CDH4: variants seen among roughly 807,000 people sequenced by gnomAD.
CDH4 encodes cadherin-4.
In CDH4, 33 loss-of-function variants were observed where a neutral mutation model predicts 86.0. The observed-to-expected ratio is 0.38, with a 90% CI of 0.29 to 0.51. The LOEUF is 0.51. CDH4 is among the 20% of genes least tolerant of loss of function. The pLI is 0.86. For synonymous variants in CDH4, 555 were observed against 549.4 expected (o/e 1.01, Z -0.14); for missense variants, 1,114 against 1,307.4 (o/e 0.85, Z 2.28).
intron 2 of CDH4, among the ~76,000 whole-genome samples, chr20:61,682,365 G>A (rs2087525593): frequency 6.8e-6 from 1 of 147,206 alleles, no homozygotes; most frequent in East Asian, 2.1e-4. Context: ...TGGATGGATG[G>A]ATGGATGGTG....
chr20:61,452,731 T>A (rs1055958662), intron 2 of CDH4, among the ~76,000 whole-genome samples: 1 of 152,022 alleles, frequency 6.6e-6, no homozygotes, highest in Non-Finnish European at 1.5e-5. Flanking sequence ...TGTGATGCAT[T>A]TTTTTTTATG....
chr20:61,670,805 G>A (rs995556140), intron 2 of CDH4, among the ~76,000 whole-genome samples: 4 of 152,148 alleles, frequency 2.6e-5, no homozygotes, highest in Non-Finnish European at 5.9e-5. Flanking sequence ...CTGTTCTCCT[G>A]TTGATACGGG....
intron 3 of CDH4, among the ~76,000 whole-genome samples, chr20:61,751,784 C>G (rs979144749): frequency 3.9e-5 from 6 of 152,214 alleles, no homozygotes; most frequent in African/African-American, 1.2e-4. Flanking sequence ...TTGCCCATTT[C>G]TACAGAAACA....
At chr20:61,797,094 C>CA (rs1361464514) in intron 4 of CDH4, among the ~76,000 whole-genome samples, 3 of 148,202 alleles carry the variant, frequency 2.0e-5, no homozygotes, top group African/African-American at 7.4e-5. Flanking sequence ...CCCCCCCCCC[C>CA]CCAACACTGG....
intron 2 of CDH4, among the ~76,000 whole-genome samples, chr20:61,479,350 C>A (rs989203477): frequency 1.4e-4 from 21 of 152,154 alleles, no homozygotes; most frequent in South Asian, 6.2e-4. Context: ...ATCCCTCCCC[C>A]CTTCCCCCAC....
intron 4 of CDH4, among the ~76,000 whole-genome samples, chr20:61,808,466 G>A (rs1055985631): frequency 6.6e-6 from 1 of 152,146 alleles, no homozygotes; most frequent in South Asian, 2.1e-4. Flanking sequence ...TTCATTTTGA[G>A]TCTGTGGGCA....
chr20:61,719,970 C>T (rs1350914699), intron 2 of CDH4, among the ~76,000 whole-genome samples: 3 of 152,176 alleles, frequency 2.0e-5, no homozygotes, highest in African/African-American at 7.2e-5. Flanking sequence ...GTTTAAGCAC[C>T]GCAGTTACCA....
At position 61,709,788 on chromosome 20, in the gene CDH4, G is replaced by A. The variant is rs1056853366; in HGVS notation, c.170-33775G>A. ...TAGCAGGATGGAGCGGGAGGTAGAGGTTCTTTCTTCTTGTTTTCCCACAGA... is the reference window on the plus strand; with the variant it reads ...TAGCAGGATGGAGCGGGAGGTAGAGATTCTTTCTTCTTGTTTTCCCACAGA... On this transcript the variant is annotated intron_variant, in intron 2 of 15. Coordinates refer to ENST00000614565, the MANE Select transcript of CDH4 (RefSeq NM_001794.5). This position sits in a 1 kb window ranked among gnomAD's most constrained non-coding sequence, Gnocchi z 4.8. Among the ~76,000 whole-genome samples the A allele has an allele frequency of 7.2e-5, 11 of 152,090 alleles. No homozygotes were observed. The highest frequency in any genetic ancestry group is 1.6e-4 in the Non-Finnish European group (11 of 68,026).
Position 61,269,779 on chromosome 20 carries a change from A to C in CDH4, c.169+14842A>C, listed in dbSNP as rs1383094865. Among the ~76,000 whole-genome samples, 4 of 152,078 alleles carry C rather than the reference A, an allele frequency of 2.6e-5. No individual in the cohort carries two copies. Among genetic ancestry groups the C allele is most frequent in the African/African-American group, 9.7e-5 (4 of 41,404 alleles). ...TTTGGGAAAGGTGAGTTGCTCTCCC[A>C]ACCCCAGGCTCCAGAGGCTCCCGGC... is the stretch of plus-strand genomic sequence containing the variant. On this transcript the variant is annotated intron_variant, in intron 2 of 15. Transcript: ENST00000614565. The surrounding 1 kb of genome is among the most constrained non-coding windows in gnomAD (Gnocchi z 5.3).
chr20:61,639,972 T>G (rs951953477), intron 2 of CDH4, among the ~76,000 whole-genome samples: 1 of 152,206 alleles, frequency 6.6e-6, no homozygotes, highest in Non-Finnish European at 1.5e-5. Context: ...CTGTTCAGTT[T>G]TGAAGTAATT....
At chr20:61,742,132 A>AG (rs149129580) in intron 2 of CDH4, among the ~76,000 whole-genome samples, 24,939 of 151,960 alleles carry the variant, frequency 0.16, 2,179 homozygotes, top group Middle Eastern at 0.18. Flanking sequence ...TCACTTCAAA[A>AG]AAAAAAAATG....
intron 2 of CDH4, among the ~76,000 whole-genome samples, chr20:61,698,122 C>T (rs2087734619): frequency 6.6e-6 from 1 of 152,250 alleles, no homozygotes; most frequent in African/African-American, 2.4e-5. Flanking sequence ...ACAGCACAGA[C>T]CTGGCACGTG....
At chr20:61,650,128 C>T (rs892560823) in intron 2 of CDH4, among the ~76,000 whole-genome samples, 3 of 152,212 alleles carry the variant, frequency 2.0e-5, no homozygotes, top group Non-Finnish European at 4.4e-5. Context: ...TGCCGCTGCC[C>T]GGCCCATCAA....
intron 2 of CDH4, chr20:61,437,567 C>G (rs1310347899): frequency 6.6e-6 from 1 of 152,226 alleles, no homozygotes; most frequent in Non-Finnish European, 1.5e-5. Context: ...GCAGCACACA[C>G]CGCCCTCTCA....
At chr20:61,808,199 C>A (rs1437919935) in intron 4 of CDH4, among the ~76,000 whole-genome samples, 2 of 152,026 alleles carry the variant, frequency 1.3e-5, no homozygotes, top group African/African-American at 4.8e-5. Context: ...CTGCAAGCCC[C>A]ACCCCAGCCC....
intron 2 of CDH4, among the ~76,000 whole-genome samples, chr20:61,323,042 C>T (rs1053228223): frequency 1.3e-5 from 2 of 152,178 alleles, no homozygotes; most frequent in African/African-American, 4.8e-5. Flanking sequence ...CATCCAAGGG[C>T]CTGAGCTTAT....
At chr20:61,800,011 G>A (rs1979746038) in intron 4 of CDH4, among the ~76,000 whole-genome samples, 1 of 152,116 alleles carries the variant, frequency 6.6e-6, no homozygotes, top group Admixed American at 6.5e-5. Flanking sequence ...GGCTGCAGCG[G>A]CCCTCGGTGG....
chr20:61,873,595 G>C (rs140361260), intron 6 of CDH4, 133 bp from the exon 7 acceptor site: 1 of 892,178 alleles, frequency 1.1e-6, no homozygotes, highest in Non-Finnish European at 1.7e-6. Flanking sequence ...CTCTGAACAC[G>C]CCGAGAGGAA....
chr20:61,331,895 C>G (rs367593594), intron 2 of CDH4, among the ~76,000 whole-genome samples: 129 of 152,238 alleles, frequency 8.5e-4, no homozygotes, highest in African/African-American at 2.8e-3. Flanking sequence ...ACACAGTAGG[C>G]GTGTAAAAAG....
Sources: gnomAD v4.1 joint callset for allele counts (sites outside exome capture counted in the v4.1 genomes callset) on GRCh38, gnomAD v4.1.1 for gene constraint, Gnocchi (gnomAD v3.1) non-coding constraint, MANE v1.5 for transcripts, NCBI Gene and HGNC (gene_info 2026-07-23, HGNC 2026-07-21) for gene names.